UNC45B: variants seen among roughly 807,000 people sequenced by gnomAD.
The protein encoded by UNC45B is protein unc-45 homolog B.
In UNC45B, 78 loss-of-function variants were observed where a neutral mutation model predicts 98.7. That is an observed-to-expected ratio of 0.79 (90% CI 0.66 to 0.95). UNC45B has a LOEUF of 0.95. Ranked by LOEUF, UNC45B falls within the 40% of genes least tolerant of loss-of-function variation. The pLI is 0.00. For missense variants in UNC45B, 1,225 were observed against 1,184.9 expected (o/e 1.03, Z -0.50); for synonymous variants, 462 against 480.4 (o/e 0.96, Z 0.50).
chr17:35,156,079 G>A (rs2092059082), intron 7 of UNC45B, among the ~76,000 whole-genome samples: 1 of 152,140 alleles, frequency 6.6e-6, no homozygotes, highest in South Asian at 2.1e-4. Flanking sequence ...CATTATGCTA[G>A]TGAAATAAGC....
At chr17:35,150,875 C>T (rs907914255) in intron 4 of UNC45B, among the ~76,000 whole-genome samples, 3 of 150,858 alleles carry the variant, frequency 2.0e-5, no homozygotes, top group African/African-American at 7.3e-5. Flanking sequence ...GAATTGAAGA[C>T]ATCGATGAGG....
intron 8 of UNC45B, 136 bp downstream of exon 8, chr17:35,159,681 C>T: frequency 1.0e-6 from 1 of 996,426 alleles, no homozygotes; most frequent in Non-Finnish European, 1.4e-6. Context: ...GGCATTGGCC[C>T]ATCAGGATCC....
chr17:35,181,790 CAAAAAA>C (rs34090979), intron 18 of UNC45B, among the ~76,000 whole-genome samples: 1 of 115,848 alleles, frequency 8.6e-6, no homozygotes, highest in Non-Finnish European at 1.7e-5. Context: ...GACTGCATCT[CAAAAAA>C]AAAAAAAAAA....
chr17:35,171,596 T>G, intron 13 of UNC45B, 134 bp downstream of exon 13: 1 of 966,344 alleles, frequency 1.0e-6, no homozygotes, highest in South Asian at 2.1e-5. Context: ...TACACATACA[T>G]TGAATATGTT....
chr17:35,173,136 T>G (rs1194366867), intron 13 of UNC45B, among the ~76,000 whole-genome samples: 1 of 150,366 alleles, frequency 6.7e-6, no homozygotes, highest in African/African-American at 2.4e-5. Flanking sequence ...TTTTTTTTTT[T>G]TTTTTTTTGA....
intron 13 of UNC45B, among the ~76,000 whole-genome samples, chr17:35,172,196 T>C (rs1362133185): frequency 1.3e-5 from 2 of 152,162 alleles, no homozygotes; most frequent in East Asian, 1.9e-4. Context: ...TTGTGCCCAA[T>C]TTTGGAAAAA....
rs114179958 is a variant in UNC45B, at chr17:35,170,482, T to A, written c.1689+227T>A. Among the ~76,000 whole-genome samples the A allele has an allele frequency of 0.011, 1,595 of 150,718 alleles. 22 individuals carry two copies. Among genetic ancestry groups the A allele is most frequent in the African/African-American group, 0.036 (1,486 of 40,818 alleles). ...GAAGATGCACAGGAGGGCAGTTTGT[T>A]TTCCTGGGGCCCTCAGGAGGTGAGG... is the stretch of plus-strand genomic sequence containing the variant. On this transcript the variant is annotated intron_variant, in intron 12 of 19. Coordinates refer to ENST00000394570, the MANE Select transcript of UNC45B (RefSeq NM_001267052.2).
chr17:35,176,755 A>G (rs1254569242), intron 15 of UNC45B, among the ~76,000 whole-genome samples: 1 of 152,196 alleles, frequency 6.6e-6, no homozygotes, highest in East Asian at 1.9e-4. Context: ...TTGTTGATTG[A>G]ATTATTTATT....
At chr17:35,153,970 C>G (rs1277685932) in intron 5 of UNC45B, among the ~76,000 whole-genome samples, 1 of 152,142 alleles carries the variant, frequency 6.6e-6, no homozygotes, top group Non-Finnish European at 1.5e-5. Context: ...GACTTGGGAA[C>G]CTGCTTGCTC....
At chr17:35,165,915 G>T (rs2092135599) in intron 9 of UNC45B, among the ~76,000 whole-genome samples, 1 of 151,408 alleles carries the variant, frequency 6.6e-6, no homozygotes, top group Non-Finnish European at 1.5e-5. Context: ...CTCCAGCCTG[G>T]GTGACAGAGC....
chr17:35,155,351 T>C lies in UNC45B; in HGVS notation c.695T>C (p.Val232Ala). Residue 232 changes from valine to alanine, a missense_variant, in exon 7 of 20, where the codon GTG becomes GCG. Val to Ala is a moderately conservative substitution (Grantham distance 64). Coordinates refer to ENST00000394570, the MANE Select transcript of UNC45B (RefSeq NM_001267052.2). ...GACCGAATCTGTAGCCTCATGGCCGTGGAGAATGAGGAGATGTCTCTGGCT... is the reference window on the plus strand; with the variant it reads ...GACCGAATCTGTAGCCTCATGGCCGCGGAGAATGAGGAGATGTCTCTGGCT... ...RIDRICSLMA[V>A]ENEEMSLAVC... is the part of the protein sequence containing the mutation. 3 of 1,614,182 alleles carry C rather than the reference T, an allele frequency of 1.9e-6. No homozygotes were observed. Among genetic ancestry groups the C allele is most frequent in the Non-Finnish European group, 2.5e-6 (3 of 1,180,028 alleles).
intron 9 of UNC45B, among the ~76,000 whole-genome samples, chr17:35,165,097 C>T (rs1160722903): frequency 6.6e-6 from 1 of 152,160 alleles, no homozygotes; most frequent in Non-Finnish European, 1.5e-5. Flanking sequence ...CTCCCAAGCT[C>T]AAGCAATCTT....
intron 3 of UNC45B, 115 bp downstream of exon 3, chr17:35,149,124 G>A (rs1485807423): frequency 1.6e-6 from 2 of 1,228,764 alleles, no homozygotes; most frequent in African/African-American, 3.0e-5. Context: ...GACTTCAGAA[G>A]GGAGAGAACA....
intron 13 of UNC45B, among the ~76,000 whole-genome samples, chr17:35,172,679 C>T (rs758241986): frequency 3.3e-5 from 5 of 152,176 alleles, no homozygotes; most frequent in Non-Finnish European, 7.3e-5. Flanking sequence ...CACCACTCCT[C>T]ACTCTGAGGA....
At position 35,180,662 on chromosome 17, in the gene UNC45B, G is replaced by T; in HGVS notation, c.2359G>T (p.Val787Leu). 6.2e-7 allele frequency: 1 copy of T among 1,613,526 alleles called. No homozygotes were observed. The highest frequency in any genetic ancestry group is 8.5e-7 in the Non-Finnish European group (1 of 1,179,850). Reference protein sequence around the residue: ...QAATECMCNMVLHKEVQERFL... With the variant: ...QAATECMCNMLLHKEVQERFL... ...GGCCACCGAGTGCATGTGCAACATG[G>T]TGCTCCACAAGGAGGTGAGGCAGGG... Residue 787 changes from valine to leucine, a missense_variant, in exon 18 of 20, where the codon GTG (valine) becomes TTG (leucine). Transcript: ENST00000394570.
Position 35,174,374 on chromosome 17 carries a change from G to A in UNC45B, c.1958+5G>A. On this transcript the variant is annotated splice_donor_5th_base_variant and intron_variant, in intron 14 of 19. Transcript: ENST00000394570. ...GACCAAGGAGCTGCTGGCCAGGTGG[G>A]GCTGCAGTGGGCCAAGGCTTGGAAC... is the stretch of plus-strand genomic sequence containing the variant. The A allele has an allele frequency of 1.2e-6, 2 of 1,614,144 alleles. No homozygotes were observed. Among genetic ancestry groups the A allele is most frequent in the Non-Finnish European group, 1.7e-6 (2 of 1,179,998 alleles).
intron 19 of UNC45B, among the ~76,000 whole-genome samples, chr17:35,183,879 A>G (rs1445303003): frequency 1.3e-5 from 2 of 152,220 alleles, no homozygotes; most frequent in Non-Finnish European, 2.9e-5. Flanking sequence ...AACCACTGCC[A>G]TGGAGCTCCA....
chr17:35,155,058 C>T (rs145865922), intron 6 of UNC45B, among the ~76,000 whole-genome samples: 7 of 152,368 alleles, frequency 4.6e-5, no homozygotes, highest in East Asian at 3.9e-4. Context: ...AAGAGCTCAA[C>T]GGCCCCATGT....
At chr17:35,154,496 C>G in intron 5 of UNC45B, 78 bp from the exon 6 acceptor site, 2 of 1,392,236 alleles carry the variant, frequency 1.4e-6, no homozygotes, top group Non-Finnish European at 2.0e-6. Flanking sequence ...TGCACTGGCT[C>G]TTCTTGTACT....
Sources: allele counts gnomAD v4.1 joint callset (sites outside exome capture counted in the v4.1 genomes callset), GRCh38; gene constraint gnomAD v4.1.1; transcripts MANE v1.5; gene names NCBI Gene and HGNC (gene_info 2026-07-23, HGNC 2026-07-21).